PRKAA2: variants seen among roughly 807,000 people sequenced by gnomAD.
PRKAA2 encodes the protein protein kinase AMP-activated catalytic subunit alpha 2.
In PRKAA2, 40 loss-of-function variants were observed where a neutral mutation model predicts 56.3. That is an observed-to-expected ratio of 0.71 (90% CI 0.55 to 0.92). The LOEUF (loss-of-function observed/expected upper bound fraction) is 0.92. Ranked by LOEUF, PRKAA2 falls within the 40% of genes least tolerant of loss-of-function variation. The probability of loss-of-function intolerance (pLI) is 0.00; values close to 1 mark genes in which losing one functional copy is unlikely to be tolerated. For missense variants in PRKAA2, 542 were observed against 686.9 expected (o/e 0.79, Z 2.36); for synonymous variants, 214 against 234.2 (o/e 0.91, Z 0.79).
At chr1:56,686,373 A>G (rs1276413857) in intron 2 of PRKAA2, among the ~76,000 whole-genome samples, 1 of 152,224 alleles carries the variant, frequency 6.6e-6, no homozygotes, top group Non-Finnish European at 1.5e-5. Flanking sequence ...TGCACTCATC[A>G]GTGTATATCA....
At chr1:56,667,179 C>T (rs1225052739) in intron 1 of PRKAA2, among the ~76,000 whole-genome samples, 1 of 152,218 alleles carries the variant, frequency 6.6e-6, no homozygotes. Context: ...TGGCTGAGGA[C>T]TGATACACAT....
In PRKAA2 at chr1:56,713,303, A is replaced by C. The variant is rs1239247201; in HGVS notation, c.*5590A>C. Reference sequence around the variant, plus strand: ...GGGTCTAGAAGAGTTATCAGACTGTAGGCCTGTATTAATTTTGCAAGCTAA... The same window carrying C: ...GGGTCTAGAAGAGTTATCAGACTGTCGGCCTGTATTAATTTTGCAAGCTAA... On this transcript the variant is annotated 3_prime_UTR_variant, in exon 9 of 9. Transcript: ENST00000371244. The C allele has an allele frequency of 1.3e-5, 2 of 152,170 alleles. No homozygotes were observed. Among genetic ancestry groups the C allele is most frequent in the Non-Finnish European group, 2.9e-5 (2 of 68,036 alleles). The allele number at this position is 152,170 out of a possible 1,614,324, so 9.4% of individuals were successfully genotyped here.
chr1:56,695,184 A>G (rs761747114), intron 5 of PRKAA2, among the ~76,000 whole-genome samples: 2 of 38,786 alleles, frequency 5.2e-5, no homozygotes, highest in Non-Finnish European at 1.1e-4. Flanking sequence ...ATGATATATT[A>G]TATATATATA....
intron 2 of PRKAA2, among the ~76,000 whole-genome samples, chr1:56,686,574 A>G (rs534526945): frequency 1.2e-3 from 182 of 152,332 alleles, no homozygotes; most frequent in African/African-American, 3.9e-3. Flanking sequence ...CAATCATGAC[A>G]GAAGGCAACT....
At chr1:56,658,187 A>G (rs935892735) in intron 1 of PRKAA2, among the ~76,000 whole-genome samples, 2 of 152,188 alleles carry the variant, frequency 1.3e-5, no homozygotes, top group Admixed American at 1.3e-4. Flanking sequence ...CATGTTTCTT[A>G]TTTTGTTTTG....
rs1306661994 is a variant in PRKAA2, at chr1:56,708,546, A to G, written c.*833A>G. 1 of 152,232 alleles carries G rather than the reference A, an allele frequency of 6.6e-6. No individual in the cohort carries two copies. Among genetic ancestry groups the G allele is most frequent in the Non-Finnish European group, 1.5e-5 (1 of 68,046 alleles). The allele number at this position is 152,232 out of a possible 1,614,324, so 9.4% of individuals were successfully genotyped here. On this transcript the variant is annotated 3_prime_UTR_variant, in exon 9 of 9. Transcript: ENST00000371244. ...CTATTTATTTTTGCATTTCACCAAC[A>G]GTGATAAAATAGTTAAATGAAACAA...
intron 6 of PRKAA2, among the ~76,000 whole-genome samples, chr1:56,697,244 G>A (rs1049523137): frequency 1.3e-5 from 2 of 151,602 alleles, no homozygotes; most frequent in Admixed American, 6.6e-5. Flanking sequence ...GGCTGGTCTT[G>A]AACTTCTGGG....
intron 8 of PRKAA2, 85 bp downstream of exon 8, chr1:56,706,303 C>T (rs989169468): frequency 2.3e-5 from 34 of 1,499,282 alleles, no homozygotes; most frequent in South Asian, 5.1e-5. Flanking sequence ...CGAAGACATC[C>T]GGTGGGTAGG....
At chr1:56,687,221 T>G (rs979933365) in intron 2 of PRKAA2, among the ~76,000 whole-genome samples, 5 of 152,006 alleles carry the variant, frequency 3.3e-5, no homozygotes, top group African/African-American at 9.7e-5. Flanking sequence ...ATAAATACAA[T>G]AGGATATAAC....
intron 1 of PRKAA2, among the ~76,000 whole-genome samples, chr1:56,648,759 G>A (rs914694439): frequency 6.6e-6 from 1 of 152,144 alleles, no homozygotes; most frequent in Non-Finnish European, 1.5e-5. Flanking sequence ...TAGTGGGTGC[G>A]AAATAGTATC....
Position 56,706,098 on chromosome 1 carries a change from A to G in PRKAA2, c.1300A>G (p.Asn434Asp). The G allele has an allele frequency of 6.2e-7, 1 of 1,608,348 alleles. No individual in the cohort carries two copies. The highest frequency in any genetic ancestry group is 8.5e-7 in the Non-Finnish European group (1 of 1,175,800). Residue 434 changes from asparagine (N) to aspartate (D), a missense_variant, in exon 8 of 9, where the codon AAT (asparagine) becomes GAT (aspartate). Physicochemically the swap from Asn to Asp is conservative, Grantham distance 23. Coordinates refer to ENST00000371244, the MANE Select transcript of PRKAA2 (RefSeq NM_006252.4). ...KQLDFEWKVV[N>D]AYHLRVRRKN... ...TATTGATTTTTCACTTTAGGTAGTG[A>G]ATGCATACCATCTTCGTGTAAGAAG...
At chr1:56,681,080 GT>G (rs1433996971) in intron 2 of PRKAA2, among the ~76,000 whole-genome samples, 1 of 152,148 alleles carries the variant, frequency 6.6e-6, no homozygotes. Flanking sequence ...TCTCATTGTG[GT>G]TTTGATTTGC....
chr1:56,697,064 C>T (rs1569784517), intron 6 of PRKAA2, among the ~76,000 whole-genome samples: 1 of 129,796 alleles, frequency 7.7e-6, no homozygotes, highest in East Asian at 2.3e-4. Flanking sequence ...GGCTGGAGTG[C>T]AGTGGTGTGA....
intron 1 of PRKAA2, among the ~76,000 whole-genome samples, chr1:56,664,855 T>TACACACACACACACACAC (rs67041631): frequency 0.013 from 1,754 of 139,832 alleles, 32 homozygotes; most frequent in African/African-American, 0.045. Context: ...AGTATATGTG[T>TACACACACACACACACAC]ACACACACAC....
chr1:56,686,970 C>T (rs564075902), intron 2 of PRKAA2, among the ~76,000 whole-genome samples: 10 of 151,872 alleles, frequency 6.6e-5, no homozygotes, highest in African/African-American at 1.4e-4. Context: ...CCGCAACCTC[C>T]ACCTCCCAGG....
chr1:56,654,403 G>A (rs1265887079), intron 1 of PRKAA2, among the ~76,000 whole-genome samples: 1 of 152,088 alleles, frequency 6.6e-6, no homozygotes, highest in Non-Finnish European at 1.5e-5. Context: ...ATTTTGTAGA[G>A]GAAGTATTAA....
rs559024293 is a variant in PRKAA2 at position 56,703,244 on chromosome 1, A to T, written c.789-727A>T. 2.0e-5 allele frequency among the ~76,000 whole-genome samples: 3 copies of T among 152,360 alleles called. No individual in the cohort carries two copies. The South Asian group carries it at 6.2e-4, about 32-fold the overall frequency. On this transcript the variant is annotated intron_variant, in intron 6 of 8. Coordinates refer to ENST00000371244, the MANE Select transcript of PRKAA2 (RefSeq NM_006252.4). ...TTGAGGACCTCAAGGGGGATTTTTT[A>T]AAATGTAGGCTATTATCTATCAATA...
intron 1 of PRKAA2, among the ~76,000 whole-genome samples, chr1:56,667,857 T>C (rs1352422754): frequency 2.0e-5 from 3 of 152,186 alleles, no homozygotes; most frequent in African/African-American, 7.2e-5. Flanking sequence ...ATGATGTCCA[T>C]TTCTTGGTAG....
rs977931414 is a variant in PRKAA2, at chr1:56,713,063, C to T, written c.*5350C>T. ...TAGCTTGATAGAGTTTCTCCCAAAC[C>T]TTATAAAACTTTGAAATGTACTTAT... On this transcript the variant is annotated 3_prime_UTR_variant, in exon 9 of 9. Transcript: ENST00000371244. The T allele has an allele frequency of 2.0e-5, 3 of 152,078 alleles. No individual in the cohort carries two copies. Among genetic ancestry groups the T allele is most frequent in the Non-Finnish European group, 4.4e-5 (3 of 68,014 alleles). The allele number at this position is 152,078 out of a possible 1,614,324, so 9.4% of individuals were successfully genotyped here. A position where few individuals can be genotyped will look rare whatever the true frequency, so the allele number is the denominator to read the frequency against.
Sources: allele counts gnomAD v4.1 joint callset (sites outside exome capture counted in the v4.1 genomes callset), GRCh38; gene constraint gnomAD v4.1.1; transcripts MANE v1.5; gene names NCBI Gene and HGNC (gene_info 2026-07-23, HGNC 2026-07-21).